The following RASA3 variants were observed in gnomAD, a reference collection of about 807,000 sequenced individuals.
RASA3 encodes RAS p21 protein activator 3, also known as ras GTPase-activating protein 3.
RASA3 carries 73 observed loss-of-function variants against 110.0 expected under a neutral mutation model. The observed-to-expected ratio is 0.66, with a 90% CI of 0.55 to 0.81. The LOEUF (loss-of-function observed/expected upper bound fraction) is 0.81. Ranked by LOEUF, RASA3 falls within the 30% of genes least tolerant of loss-of-function variation. The pLI is 0.00. For missense variants in RASA3, 976 were observed against 1,113.2 expected (o/e 0.88, Z 1.75); for synonymous variants, 500 against 451.4 (o/e 1.11, Z -1.37).
chr13:113,996,413 G>T, intron 21 of RASA3, 118 bp downstream of exon 21: 1 of 1,074,512 alleles, frequency 9.3e-7, no homozygotes, highest in Non-Finnish European at 1.3e-6. Context: ...GGCGAGGGCA[G>T]CCCTGTTTAT....
chr13:114,070,105 T>C, intron 2 of RASA3, among the ~76,000 whole-genome samples: 1 of 37,448 alleles, frequency 2.7e-5, no homozygotes, highest in East Asian at 8.6e-4. Flanking sequence ...ACCGGGAAAC[T>C]GGGGGGCCAG....
intron 1 of RASA3, among the ~76,000 whole-genome samples, chr13:114,080,197 T>C (rs1489352518): frequency 6.6e-6 from 1 of 151,990 alleles, no homozygotes; most frequent in African/African-American, 2.4e-5. Flanking sequence ...TGCTCCTCCC[T>C]CAAGAGGACT....
At position 113,992,566 on chromosome 13, in the gene RASA3, G is replaced by A; in HGVS notation, c.2164C>T (p.Leu722=). ...CTGGLPANIQ[L]DIDGDRETER... ...GTCTCACGGTCCCCATCAATGTCCA[G>A]CTGGATGTTGGCTGGGAGGCCGCTG... Residue 722 remains leucine (L), a synonymous_variant, in exon 22 of 24, where the codon CTG becomes TTG. Transcript: ENST00000334062. 6.2e-7 allele frequency: 1 copy of A among 1,613,346 alleles called. No individual in the cohort carries two copies. Among genetic ancestry groups the A allele is most frequent in the Non-Finnish European group, 8.5e-7 (1 of 1,179,742 alleles).
chr13:113,990,208 A>C (rs999757635), intron 22 of RASA3, among the ~76,000 whole-genome samples: 2 of 152,016 alleles, frequency 1.3e-5, no homozygotes, highest in Admixed American at 1.3e-4. Flanking sequence ...TGAGTCAATC[A>C]ATCTTCTTTT....
intron 1 of RASA3, among the ~76,000 whole-genome samples, chr13:114,079,876 CGGT>C (rs1195833485): frequency 9.2e-5 from 14 of 152,150 alleles, no homozygotes; most frequent in Admixed American, 9.2e-4. Flanking sequence ...CTGCACATCT[CGGT>C]GGGCTGACTG....
Position 114,018,203 on chromosome 13 carries a change from TTCTCCCGGCAAACCTCGCCC to T in RASA3, c.972_991del (p.Gly325AlafsTer80). On this transcript the variant is annotated frameshift_variant, in exon 11 of 24. Transcript: ENST00000334062. LOFTEE classifies it high-confidence loss of function. ...CACCAGCGGGACGGCCGCCTCCTGC[TTCTCCCGGCAAACCTCGCCC>T]AGGATGTGGGCCGCAGACGCTGACA... The T allele has an allele frequency of 6.4e-7, 1 of 1,553,308 alleles. No individual in the cohort carries two copies. The highest frequency in any genetic ancestry group is 8.7e-7 in the Non-Finnish European group (1 of 1,148,680).
chr13:113,991,190 G>A (rs901373383), intron 22 of RASA3, among the ~76,000 whole-genome samples: 6 of 73,336 alleles, frequency 8.2e-5, no homozygotes, highest in Admixed American at 1.2e-4. Context: ...GACACCCAGG[G>A]CATGCGGGGC....
At chr13:114,064,090 T>C (rs533578376) in intron 2 of RASA3, among the ~76,000 whole-genome samples, 4 of 152,310 alleles carry the variant, frequency 2.6e-5, no homozygotes, top group Admixed American at 6.5e-5. Context: ...AGGATCTTTT[T>C]TGAACTAAAA....
At position 114,013,904 on chromosome 13, in the gene RASA3, T is replaced by TTC. The variant is rs1383962288; in HGVS notation, c.1406-658_1406-657dup. Among the ~76,000 whole-genome samples the TTC allele has an allele frequency of 3.6e-3, 171 of 47,814 alleles. 9 individuals are homozygous for TTC. Among genetic ancestry groups the TTC allele is most frequent in the Non-Finnish European group, 5.3e-3 (126 of 23,888 alleles). 31.4% of individuals were successfully genotyped at this position (47,814 alleles called of 152,430 possible). On this transcript the variant is annotated intron_variant, in intron 14 of 23. Transcript: ENST00000334062. Reference sequence around the variant, plus strand: ...TCTCTGTCTCTCTCTTTTTCTCTCTTTCTCTGTCTCTCTCTCTCCGTCTCT... The same window carrying TTC: ...TCTCTGTCTCTCTCTTTTTCTCTCTTTCTCTCTGTCTCTCTCTCTCCGTCTCT...
chr13:114,049,201 C>G (rs975031175), intron 3 of RASA3, among the ~76,000 whole-genome samples: 6 of 152,106 alleles, frequency 3.9e-5, no homozygotes, highest in Admixed American at 6.5e-5. Context: ...ACCAGGAGAA[C>G]CACGCAGCCA....
At chr13:114,061,827 G>C (rs542640904) in intron 2 of RASA3, among the ~76,000 whole-genome samples, 1 of 152,306 alleles carries the variant, frequency 6.6e-6, no homozygotes, top group Admixed American at 6.5e-5. Context: ...CCCTATCCAC[G>C]GAGGCGGCAG....
chr13:114,029,489 C>T lies in RASA3; in HGVS notation c.449+322G>A, dbSNP rs567067827. ...ATCCTGGGGGCCAGGACCTCTAAAA[C>T]GGCGTCATCCTGGGGGCCAGGACCT... On this transcript the variant is annotated intron_variant, in intron 5 of 23. Coordinates refer to ENST00000334062, the MANE Select transcript of RASA3 (RefSeq NM_007368.4). Among the ~76,000 whole-genome samples the T allele has an allele frequency of 1.1e-3, 78 of 68,768 alleles. 14 individuals are homozygous for T. Among genetic ancestry groups the T allele is most frequent in the African/African-American group, 5.0e-3 (60 of 11,908 alleles). The allele number at this position is 68,768 out of a possible 152,430, so 45.1% of individuals were successfully genotyped here.
chr13:114,097,206 G>A (rs1023222904), intron 1 of RASA3, among the ~76,000 whole-genome samples: 18 of 152,236 alleles, frequency 1.2e-4, no homozygotes, highest in Non-Finnish European at 2.4e-4. Flanking sequence ...GTCCAGGGGC[G>A]AGAGGCCTGG....
rs1400824550 is a variant in RASA3, at chr13:113,995,806, G to GA, written c.2141+724_2141+725insT. ...GGCTGACGGGGGGTCCGGCTGATGG[G>GA]GGTCCGGCTGACGGGGGGCCCGGCT... On this transcript the variant is annotated intron_variant, in intron 21 of 23. Transcript: ENST00000334062. Among the ~76,000 whole-genome samples, 4 of 66,256 alleles carry GA rather than the reference G, an allele frequency of 6.0e-5. 1 individual carries two copies. The highest frequency in any genetic ancestry group is 1.2e-4 in the Non-Finnish European group (4 of 33,750). 43.5% of individuals were successfully genotyped at this position (66,256 alleles called of 152,430 possible). A position where few individuals can be genotyped will look rare whatever the true frequency, so the allele number is the denominator to read the frequency against.
intron 3 of RASA3, among the ~76,000 whole-genome samples, chr13:114,045,104 A>T (rs2079031846): frequency 6.6e-6 from 1 of 152,196 alleles, no homozygotes; most frequent in Non-Finnish European, 1.5e-5. Context: ...TCCTTCTAGA[A>T]GCCAGCCACA....
At chr13:113,994,495 C>T (rs1251220905) in intron 21 of RASA3, among the ~76,000 whole-genome samples, 1 of 152,098 alleles carries the variant, frequency 6.6e-6, no homozygotes, top group African/African-American at 2.4e-5. Flanking sequence ...GATGAAGTGA[C>T]CAACATTAAA....
chr13:114,009,552 C>G, intron 16 of RASA3, 88 bp from the exon 17 acceptor site: 1 of 900,756 alleles, frequency 1.1e-6, no homozygotes, highest in Non-Finnish European at 1.8e-6. Flanking sequence ...AAGAACTGTC[C>G]AAGCCTAAAT....
In RASA3 at chr13:114,052,098, G is replaced by A; in HGVS notation, c.231C>T (p.Ser77=). 1 of 1,613,438 alleles carries A rather than the reference G, an allele frequency of 6.2e-7. No homozygotes were observed. Among genetic ancestry groups the A allele is most frequent in the Non-Finnish European group, 8.5e-7 (1 of 1,179,682 alleles). The change falls in exon 3 of 24, where the codon TCC becomes TCT. Residue 77 remains serine, a synonymous_variant. Coordinates refer to ENST00000334062, the MANE Select transcript of RASA3 (RefSeq NM_007368.4). The stretch of plus-strand genomic sequence containing the variant: ...AAACGTCTCTATCGAAAATGTAGAA[G>A]GACAGGTGACGAAAGCTCCGAGGAA... ...CEIPRSFRHL[S]FYIFDRDVFR... is the part of the protein sequence containing the mutation.
In RASA3 at chr13:114,012,201, C is replaced by T. The variant is rs547313677; in HGVS notation, c.1512+941G>A. Reference sequence around the variant, plus strand: ...CCAGCAGCTAAAACCCTGGACAAACCGTCCACTGCTTTTGTGACACTGTCT... The same window carrying T: ...CCAGCAGCTAAAACCCTGGACAAACTGTCCACTGCTTTTGTGACACTGTCT... On this transcript the variant is annotated intron_variant, in intron 15 of 23. Transcript: ENST00000334062. Among the ~76,000 whole-genome samples the T allele has an allele frequency of 1.7e-4, 26 of 152,112 alleles. 1 individual carries two copies. The highest frequency in any genetic ancestry group is 3.4e-3 in the Middle Eastern group (1 of 294).
Sources: allele counts gnomAD v4.1 joint callset (sites outside exome capture counted in the v4.1 genomes callset), GRCh38; gene constraint gnomAD v4.1.1; transcripts MANE v1.5; gene names NCBI Gene and HGNC (gene_info 2026-07-23, HGNC 2026-07-21).